Variants in HMCN1 observed in about 807,000 individuals in gnomAD.
HMCN1 encodes the protein hemicentin-1.
Under a neutral mutation model 625.9 loss-of-function variants are expected in HMCN1, and 321 were observed. The ratio of observed to expected loss-of-function variants is 0.51; its 90% CI spans 0.47 to 0.56. HMCN1 has a LOEUF of 0.56. Among genes scored for constraint, HMCN1 ranks in the 20% least tolerant of loss-of-function variants. HMCN1 has a pLI of 0.00. For missense variants in HMCN1, 6,588 were observed against 6,887.3 expected (o/e 0.96, Z 1.54); for synonymous variants, 2,425 against 2,417.6 (o/e 1.00, Z -0.09).
chr1:185,935,186 T>C (rs1667747798), intron 11 of HMCN1, among the ~76,000 whole-genome samples: 1 of 151,862 alleles, frequency 6.6e-6, no homozygotes, highest in South Asian at 2.1e-4. Context: ...TAGAATGAGA[T>C]TGTAAAATAA....
At chr1:186,094,871 A>C (rs1660046689) in intron 67 of HMCN1, among the ~76,000 whole-genome samples, 1 of 152,190 alleles carries the variant, frequency 6.6e-6, no homozygotes, top group African/African-American at 2.4e-5. Context: ...TAATCTACAA[A>C]TGACTTACCC....
chr1:185,929,361 AT>A (rs1403306290), intron 10 of HMCN1, among the ~76,000 whole-genome samples: 1 of 152,136 alleles, frequency 6.6e-6, no homozygotes, highest in Non-Finnish European at 1.5e-5. Context: ...AGTTCATATT[AT>A]TTTATATACA....
intron 75 of HMCN1, among the ~76,000 whole-genome samples, chr1:186,115,815 A>G (rs1661105913): frequency 6.6e-6 from 1 of 151,550 alleles, no homozygotes; most frequent in African/African-American, 2.4e-5. Context: ...CAATTTAGAT[A>G]TTGGCAGAAT....
chr1:185,770,408 T>C (rs891893324), intron 1 of HMCN1, among the ~76,000 whole-genome samples: 1 of 152,168 alleles, frequency 6.6e-6, no homozygotes, highest in African/African-American at 2.4e-5. Flanking sequence ...TGTATAAATG[T>C]TTTTTAAAAA....
At chr1:185,933,971 T>C in intron 11 of HMCN1, 147 bp downstream of exon 11, 2 of 764,616 alleles carry the variant, frequency 2.6e-6, no homozygotes, top group Non-Finnish European at 4.6e-6. Context: ...ACATACTCAG[T>C]GGTCTACAGC....
chr1:186,177,059 CT>C (rs1175165740), intron 103 of HMCN1: 1 of 142,724 alleles, frequency 7.0e-6, no homozygotes, highest in African/African-American at 2.8e-5. Context: ...AATCCCAGCA[CT>C]TTGGGAGGTC....
Position 186,074,821 on chromosome 1 carries a change from C to A in HMCN1, c.8220C>A (p.Thr2740=), listed in dbSNP as rs562987367. The change falls in exon 53 of 107, where the codon ACC becomes ACA. Residue 2740 remains threonine (T), a synonymous_variant. Transcript: ENST00000271588. ...TAAAGGAGGCTCAAATATCAGACAC[C>A]GGACGATATACTTGTGTAGCATCTA... is the stretch of plus-strand genomic sequence containing the variant. ...LQIKEAQISD[T]GRYTCVASNI... 9.3e-6 allele frequency: 15 copies of A among 1,612,220 alleles called. No homozygotes were observed. The highest frequency in any genetic ancestry group is 3.4e-6 in the Non-Finnish European group (4 of 1,178,680).
At chr1:185,929,445 C>G (rs1214981557) in intron 10 of HMCN1, among the ~76,000 whole-genome samples, 1 of 152,044 alleles carries the variant, frequency 6.6e-6, no homozygotes, top group East Asian at 1.9e-4. Flanking sequence ...AATCAATGAT[C>G]AGGATTAAGC....
At chr1:185,902,415 CTATCTA>C (rs1558053089) in intron 4 of HMCN1, among the ~76,000 whole-genome samples, 192 of 134,128 alleles carry the variant, frequency 1.4e-3, no homozygotes, top group African/African-American at 6.8e-3. Context: ...CTCTATCTAT[CTATCTA>C]TCTATCTATC....
At chr1:186,108,149 AG>A (rs1298277105) in intron 70 of HMCN1, among the ~76,000 whole-genome samples, 1 of 151,882 alleles carries the variant, frequency 6.6e-6, no homozygotes, top group Non-Finnish European at 1.5e-5. Flanking sequence ...ATTACTACCA[AG>A]TGTATAACCC....
chr1:186,045,934 G>A (rs1233081597), intron 41 of HMCN1, 71 bp downstream of exon 41: 3 of 1,083,914 alleles, frequency 2.8e-6, no homozygotes, highest in South Asian at 1.3e-5. Flanking sequence ...ACCCTATTTA[G>A]CGTGACTGTC....
intron 2 of HMCN1, among the ~76,000 whole-genome samples, chr1:185,851,320 A>G (rs1662147064): frequency 2.0e-5 from 3 of 152,164 alleles, no homozygotes; most frequent in Admixed American, 6.5e-5. Flanking sequence ...TTTGAAAACA[A>G]TGAGAAGTAA....
chr1:185,951,949 C>A (rs560529668), intron 11 of HMCN1, among the ~76,000 whole-genome samples: 5 of 151,558 alleles, frequency 3.3e-5, no homozygotes, highest in Admixed American at 3.3e-4. Context: ...GTTTGAGGGC[C>A]GGAATTTAAT....
intron 1 of HMCN1, among the ~76,000 whole-genome samples, chr1:185,781,378 T>G (rs1202576518): frequency 6.6e-6 from 1 of 152,228 alleles, no homozygotes; most frequent in African/African-American, 2.4e-5. Flanking sequence ...AGTTATTTCC[T>G]GCCTTCCTTT....
chr1:186,167,657 A>G (rs1382410426), intron 100 of HMCN1, among the ~76,000 whole-genome samples: 1 of 152,140 alleles, frequency 6.6e-6, no homozygotes, highest in African/African-American at 2.4e-5. Flanking sequence ...TGTTTCCTCC[A>G]ACCTCTGGCA....
intron 97 of HMCN1, among the ~76,000 whole-genome samples, chr1:186,161,366 CTT>C (rs200471619): frequency 0.063 from 9,539 of 152,110 alleles, 734 homozygotes; most frequent in African/African-American, 0.19. Flanking sequence ...GGTCTTGTCT[CTT>C]TATCCAATTT....
At chr1:185,798,738 A>ATATC (rs144327153) in intron 1 of HMCN1, among the ~76,000 whole-genome samples, 13,723 of 151,814 alleles carry the variant, frequency 0.09, 1,993 homozygotes, top group African/African-American at 0.31. Flanking sequence ...GGTTTTAAAT[A>ATATC]TATCTATCTA....
chr1:186,064,914 ATACT>A (rs1021504285), intron 48 of HMCN1, among the ~76,000 whole-genome samples: 30 of 152,202 alleles, frequency 2.0e-4, no homozygotes, highest in African/African-American at 5.8e-4. Context: ...TACTATCAAA[ATACT>A]TAGTTGTAAT....
chr1:186,158,803 T>C (rs1161266370), intron 97 of HMCN1, among the ~76,000 whole-genome samples: 6 of 152,174 alleles, frequency 3.9e-5, no homozygotes, highest in Non-Finnish European at 8.8e-5. Context: ...ATATCTCTGT[T>C]TTGGTACCAG....
Sources: gnomAD v4.1 joint callset for allele counts (sites outside exome capture counted in the v4.1 genomes callset) on GRCh38, gnomAD v4.1.1 for gene constraint, MANE v1.5 for transcripts, NCBI Gene and HGNC (gene_info 2026-07-23, HGNC 2026-07-21) for gene names.